CHST9: variants seen among roughly 807,000 people sequenced by gnomAD.
CHST9 encodes the protein GalNAc-4-sulfotransferase 2.
Under a neutral mutation model 44.4 loss-of-function variants are expected in CHST9, and 41 were observed. The observed-to-expected ratio is 0.92, with a 90% CI of 0.72 to 1.20. The LOEUF is 1.20. Among genes scored for constraint, CHST9 ranks in the 50% most tolerant of loss-of-function variants. The probability of loss-of-function intolerance (pLI) is 0.00; values close to 1 mark genes in which losing one functional copy is unlikely to be tolerated. For missense variants in CHST9, 504 were observed against 516.5 expected, an observed-to-expected ratio of 0.98 and a Z score of 0.23; for synonymous variants, 171 against 178.4, an observed-to-expected ratio of 0.96 and a Z score of 0.33.
At chr18:26,974,505 A>G (rs1353153972) in intron 4 of CHST9, among the ~76,000 whole-genome samples, 3 of 152,234 alleles carry the variant, frequency 2.0e-5, no homozygotes, top group Admixed American at 2.0e-4. Flanking sequence ...AAACCCTATC[A>G]GTGACTTTAG....
intron 4 of CHST9, among the ~76,000 whole-genome samples, chr18:26,957,199 T>C (rs1269166118): frequency 6.6e-6 from 1 of 152,142 alleles, no homozygotes; most frequent in East Asian, 1.9e-4. Context: ...CCTGAAACAC[T>C]GAGAATAAAA....
Position 26,913,831 on chromosome 18 carries a change from T to A in CHST9, c.*2428A>T, listed in dbSNP as rs1334323685. ...GGCCAAATAAGTCAGGAGAGAAAAATGGAGTTTGGCTTTAAACTCACAAGT... is the reference window on the plus strand; with the variant it reads ...GGCCAAATAAGTCAGGAGAGAAAAAAGGAGTTTGGCTTTAAACTCACAAGT... On this transcript the variant is annotated 3_prime_UTR_variant, in exon 6 of 6. Coordinates refer to ENST00000618847, the MANE Select transcript of CHST9 (RefSeq NM_031422.6). The A allele has an allele frequency of 6.6e-6, 1 of 152,138 alleles. No individual in the cohort carries two copies. Among genetic ancestry groups the A allele is most frequent in the Non-Finnish European group, 1.5e-5 (1 of 68,008 alleles). 9.4% of individuals were successfully genotyped at this position (152,138 alleles called of 1,614,324 possible).
intron 4 of CHST9, among the ~76,000 whole-genome samples, chr18:26,963,338 C>A (rs1461027490): frequency 2.0e-5 from 3 of 152,142 alleles, no homozygotes; most frequent in African/African-American, 7.2e-5. Context: ...GCACTTTCCG[C>A]TAAGCTTGGC....
At chr18:27,053,262 G>A (rs10468890) in intron 2 of CHST9, among the ~76,000 whole-genome samples, 4,339 of 44,490 alleles carry the variant, frequency 0.098, 309 homozygotes, top group African/African-American at 0.17. Context: ...GAAGAAGAAG[G>A]AGAAGGAGAA....
intron 4 of CHST9, among the ~76,000 whole-genome samples, chr18:27,020,564 T>C (rs2057212590): frequency 6.6e-6 from 1 of 152,220 alleles, no homozygotes; most frequent in Non-Finnish European, 1.5e-5. Flanking sequence ...TCATGGGAGA[T>C]GTTTATATTC....
intron 4 of CHST9, among the ~76,000 whole-genome samples, chr18:26,956,342 T>C (rs868056792): frequency 2.9e-4 from 37 of 129,714 alleles, no homozygotes; most frequent in African/African-American, 1.2e-3. Flanking sequence ...TATATATATA[T>C]ATACACACAC....
chr18:27,100,915 T>A (rs2058165008), intron 2 of CHST9, among the ~76,000 whole-genome samples: 1 of 152,234 alleles, frequency 6.6e-6, no homozygotes, highest in African/African-American at 2.4e-5. Flanking sequence ...TGGCATTTCC[T>A]ATTGGTTGGG....
chr18:27,127,356 G>A (rs761510337), intron 2 of CHST9, among the ~76,000 whole-genome samples: 9 of 152,202 alleles, frequency 5.9e-5, no homozygotes, highest in East Asian at 1.9e-4. Context: ...CTTCATGGAC[G>A]TCAAGGGAAA....
At chr18:27,173,583 T>G (rs529946871) in intron 1 of CHST9, among the ~76,000 whole-genome samples, 1 of 152,184 alleles carries the variant, frequency 6.6e-6, no homozygotes, top group South Asian at 2.1e-4. Context: ...TATTATCATA[T>G]TATGTATTGT....
intron 2 of CHST9, among the ~76,000 whole-genome samples, chr18:27,108,247 T>C (rs1384465177): frequency 2.0e-5 from 3 of 152,326 alleles, no homozygotes; most frequent in South Asian, 4.1e-4. Flanking sequence ...TCCAAATACA[T>C]GTCTCTGCTG....
intron 1 of CHST9, among the ~76,000 whole-genome samples, chr18:27,156,597 A>G (rs1452614228): frequency 6.6e-6 from 1 of 152,148 alleles, no homozygotes; most frequent in East Asian, 1.9e-4. Context: ...AAGATTTTAA[A>G]AAGCTTCATA....
chr18:27,035,659 G>T (rs2057383495), intron 3 of CHST9, among the ~76,000 whole-genome samples: 2 of 152,076 alleles, frequency 1.3e-5, no homozygotes, highest in Non-Finnish European at 2.9e-5. Context: ...TGACGTGGAT[G>T]GACTTGGAGG....
At chr18:27,008,320 T>C (rs1305497275) in intron 4 of CHST9, among the ~76,000 whole-genome samples, 1 of 152,132 alleles carries the variant, frequency 6.6e-6, no homozygotes, top group Non-Finnish European at 1.5e-5. Context: ...TATGGAATGG[T>C]TACTTCAGAG....
chr18:27,001,073 G>C (rs1252380376), intron 4 of CHST9, among the ~76,000 whole-genome samples: 1 of 152,206 alleles, frequency 6.6e-6, no homozygotes, highest in East Asian at 1.9e-4. Context: ...AGAAGGCACA[G>C]AGATAGAAGC....
intron 1 of CHST9, among the ~76,000 whole-genome samples, chr18:27,159,267 T>C (rs994032064): frequency 2.0e-5 from 3 of 152,226 alleles, no homozygotes; most frequent in Non-Finnish European, 4.4e-5. Flanking sequence ...CTTTAATCCA[T>C]CTTGAATTAA....
At chr18:27,048,109 A>C (rs545665942) in intron 3 of CHST9, among the ~76,000 whole-genome samples, 8 of 152,150 alleles carry the variant, frequency 5.3e-5, no homozygotes, top group Non-Finnish European at 1.0e-4. Context: ...AAGAAATAAA[A>C]TTGAGATTCA....
intron 2 of CHST9, among the ~76,000 whole-genome samples, chr18:27,121,210 G>A (rs2058371662): frequency 6.6e-6 from 1 of 151,978 alleles, no homozygotes; most frequent in African/African-American, 2.4e-5. Flanking sequence ...TCACTATGTT[G>A]CCCAGGTTGC....
chr18:27,156,481 G>A (rs926213222), intron 1 of CHST9, among the ~76,000 whole-genome samples: 19 of 152,048 alleles, frequency 1.2e-4, no homozygotes, highest in Non-Finnish European at 2.2e-4. Context: ...CCTTTCAGGC[G>A]GATGTAGTAT....
chr18:27,088,639 G>A (rs574422716), intron 2 of CHST9, among the ~76,000 whole-genome samples: 78 of 151,980 alleles, frequency 5.1e-4, no homozygotes, highest in Non-Finnish European at 9.9e-4. Flanking sequence ...TGATCTGCCC[G>A]CCTCAGCCTC....
Sources: allele counts gnomAD v4.1 joint callset (sites outside exome capture counted in the v4.1 genomes callset), GRCh38; gene constraint gnomAD v4.1.1; transcripts MANE v1.5; gene names NCBI Gene and HGNC (gene_info 2026-07-23, HGNC 2026-07-21).